The following RHOU variants were observed in gnomAD, a reference collection of about 807,000 sequenced individuals.
The protein encoded by RHOU is ras homolog family member U, also known as rho-related GTP-binding protein RhoU.
A neutral mutation model predicts 12.6 loss-of-function variants in RHOU; 8 were observed. The ratio of observed to expected loss-of-function variants is 0.64; its 90% CI spans 0.37 to 1.15. The LOEUF is 1.15. Ranked by LOEUF, RHOU falls within the 50% of genes most tolerant of loss-of-function variation. RHOU has a pLI of 0.01. For missense variants in RHOU, 258 were observed against 347.0 expected (o/e 0.74, Z 2.04); for synonymous variants, 161 against 147.4 (o/e 1.09, Z -0.67).
At chr1:228,668,753 A>G in the RHOU span, among the ~76,000 whole-genome samples, 2 of 152,182 alleles carry the variant, frequency 1.3e-5, no homozygotes, top group Non-Finnish European at 2.9e-5. Flanking sequence ...TACCACCTGC[A>G]GGCCTCTAGG....
chr1:228,664,859 C>CCTGACCTCAGGTGATCCA, the RHOU span, among the ~76,000 whole-genome samples: 4 of 152,030 alleles, frequency 2.6e-5, no homozygotes, highest in African/African-American at 4.8e-5. Flanking sequence ...GTCTCGAAAT[C>CCTGACCTCAGGTGATCCA]CTGACCTCAG....
At chr1:228,682,650 C>G in the RHOU span, among the ~76,000 whole-genome samples, 7 of 151,948 alleles carry the variant, frequency 4.6e-5, no homozygotes, top group Admixed American at 2.0e-4. Flanking sequence ...TTACAAAGTA[C>G]GTTGATCAGT....
chr1:228,702,907 T>C, the RHOU span, among the ~76,000 whole-genome samples: 2 of 152,204 alleles, frequency 1.3e-5, no homozygotes, highest in African/African-American at 2.4e-5. Context: ...TAGAACTATC[T>C]GTTTTATTGC....
At position 228,743,322 on chromosome 1, in the gene RHOU, A is replaced by T. The variant is rs1662761473; in HGVS notation, c.359A>T (p.Asn120Ile). 1 of 1,614,068 alleles carries T rather than the reference A, an allele frequency of 6.2e-7. No homozygotes were observed. The highest frequency in any genetic ancestry group is 1.1e-5 in the South Asian group (1 of 91,086). ...AAGCTGAGGCCTCTCTGCTACACCA[A>T]CACAGACATCTTCCTGCTCTGCTTC... ...FDKLRPLCYT[N>I]TDIFLLCFSV... The change falls in exon 3 of 3, where the codon AAC becomes ATC. Residue 120 changes from asparagine to isoleucine, a missense_variant. Asn to Ile is a moderately radical substitution (Grantham distance 149, BLOSUM62 -3). Transcript: ENST00000366691. This position sits in a 1 kb window ranked among gnomAD's most constrained non-coding sequence, Gnocchi z 5.1.
At chr1:228,706,120 TGA>T in the RHOU span, among the ~76,000 whole-genome samples, 5 of 152,262 alleles carry the variant, frequency 3.3e-5, no homozygotes, top group East Asian at 7.7e-4. Flanking sequence ...CTTCAGAATC[TGA>T]GAGAGAATTC....
chr1:228,700,203 G>A, the RHOU span, among the ~76,000 whole-genome samples: 3 of 152,164 alleles, frequency 2.0e-5, no homozygotes, highest in Non-Finnish European at 4.4e-5. Flanking sequence ...TAGGTGCAAA[G>A]CACTGTTTAT....
the RHOU span, among the ~76,000 whole-genome samples, chr1:228,672,592 G>A: frequency 6.6e-6 from 1 of 152,196 alleles, no homozygotes; most frequent in Non-Finnish European, 1.5e-5. Flanking sequence ...ATAAAAATGT[G>A]AGAATGAGAT....
At chr1:228,647,263 C>T in the RHOU span, among the ~76,000 whole-genome samples, 3 of 152,170 alleles carry the variant, frequency 2.0e-5, no homozygotes, top group Non-Finnish European at 4.4e-5. Context: ...TCCATTCTTT[C>T]TTGGCACCTC....
chr1:228,718,836 G>A, the RHOU span, among the ~76,000 whole-genome samples: 15 of 152,134 alleles, frequency 9.9e-5, no homozygotes, highest in Admixed American at 2.6e-4. Flanking sequence ...TGTCCACTGC[G>A]GGTGACCCTG....
Position 228,737,613 on chromosome 1 carries a change from T to C in RHOU, c.263-60T>C. On this transcript the variant is annotated intron_variant, in intron 1 of 2. Coordinates refer to ENST00000366691, the MANE Select transcript of RHOU (RefSeq NM_021205.6). This position sits in a 1 kb window ranked among gnomAD's most constrained non-coding sequence, Gnocchi z 4.1. Reference sequence around the variant, plus strand: ...GAATGATAGTGAAAGCTAAAACTATTAGTATTCCGAAAGGGGTTAAAAGAC... The same window carrying C: ...GAATGATAGTGAAAGCTAAAACTATCAGTATTCCGAAAGGGGTTAAAAGAC... The C allele has an allele frequency of 6.9e-7, 1 of 1,456,348 alleles. No homozygotes were observed. The highest frequency in any genetic ancestry group is 9.6e-7 in the Non-Finnish European group (1 of 1,036,474). The allele number at this position is 1,456,348 out of a possible 1,614,324, so 90.2% of individuals were successfully genotyped here.
upstream of RHOU, among the ~76,000 whole-genome samples, chr1:228,734,579 T>G (rs1662553178): frequency 6.6e-6 from 1 of 151,276 alleles, no homozygotes. Flanking sequence ...TGACACATTA[T>G]GAAAGTTCAG....
At chr1:228,711,315 G>A in the RHOU span, among the ~76,000 whole-genome samples, 3 of 151,904 alleles carry the variant, frequency 2.0e-5, no homozygotes, top group South Asian at 2.1e-4. Context: ...CTACTTTAAA[G>A]TTCATATGGA....
At chr1:228,664,371 T>G in the RHOU span, among the ~76,000 whole-genome samples, 1 of 152,052 alleles carries the variant, frequency 6.6e-6, no homozygotes, top group African/African-American at 2.4e-5. Context: ...AGCTTCCAAG[T>G]GGCTCATTTG....
At chr1:228,730,864 G>A (rs562094421), upstream of RHOU, among the ~76,000 whole-genome samples, 1 of 152,180 alleles carries the variant, frequency 6.6e-6, no homozygotes, top group South Asian at 2.1e-4. Flanking sequence ...ATCAATAGCA[G>A]GAAAAACAGC....
the RHOU span, among the ~76,000 whole-genome samples, chr1:228,695,666 T>C: frequency 6.6e-6 from 1 of 152,138 alleles, no homozygotes; most frequent in Non-Finnish European, 1.5e-5. Context: ...TGAAAGGGTG[T>C]GAAGGGGGTG....
At chr1:228,671,434 C>T in the RHOU span, among the ~76,000 whole-genome samples, 3 of 151,824 alleles carry the variant, frequency 2.0e-5, no homozygotes, top group Non-Finnish European at 1.5e-5. Flanking sequence ...ATATGACAAT[C>T]GGCCGGGGGT....
In RHOU at chr1:228,741,192, G is replaced by T. The variant is rs188541514; in HGVS notation, c.322-2093G>T. Among the ~76,000 whole-genome samples the T allele has an allele frequency of 1.6e-4, 24 of 152,246 alleles. No homozygotes were observed. The East Asian group carries it at 4.2e-3, about 27-fold the overall frequency. On this transcript the variant is annotated intron_variant, in intron 2 of 2. Coordinates refer to ENST00000366691, the MANE Select transcript of RHOU (RefSeq NM_021205.6). ...CTGATCAGACTTCTGTGCAGTGTCC[G>T]TACCACAGACCTGGCAAGCACATGC... is the stretch of plus-strand genomic sequence containing the variant.
the RHOU span, among the ~76,000 whole-genome samples, chr1:228,709,829 T>C: frequency 4.6e-5 from 7 of 151,484 alleles, no homozygotes; most frequent in Admixed American, 6.6e-5. Flanking sequence ...CTGAAGGAAA[T>C]AGAGACACAA....
chr1:228,690,521 C>T, the RHOU span, among the ~76,000 whole-genome samples: 2 of 152,200 alleles, frequency 1.3e-5, no homozygotes, highest in Non-Finnish European at 2.9e-5. Context: ...GACGGGGTTT[C>T]TCCATATTGA....
Sources: allele counts gnomAD v4.1 joint callset (sites outside exome capture counted in the v4.1 genomes callset), GRCh38; gene constraint gnomAD v4.1.1; non-coding constraint Gnocchi (gnomAD v3.1); transcripts MANE v1.5; gene names NCBI Gene and HGNC (gene_info 2026-07-23, HGNC 2026-07-21).